ALK: variants seen among roughly 807,000 people sequenced by gnomAD.
ALK encodes the protein ALK receptor tyrosine kinase.
A neutral mutation model predicts 163.1 loss-of-function variants in ALK; 74 were observed. The ratio of observed to expected loss-of-function variants is 0.45; its 90% CI spans 0.38 to 0.55. ALK has a LOEUF of 0.55. ALK is among the 20% of genes least tolerant of loss of function. The pLI is 0.00. For synonymous variants in ALK, 960 were observed against 843.2 expected (o/e 1.14, Z -2.40); for missense variants, 2,063 against 2,105.3 (o/e 0.98, Z 0.39).
intron 1 of ALK, among the ~76,000 whole-genome samples, chr2:29,744,287 G>A (rs973527023): frequency 1.3e-5 from 2 of 152,164 alleles, no homozygotes; most frequent in Admixed American, 6.5e-5. Flanking sequence ...GCTACTCTGG[G>A]TCTACAGTGG....
intron 24 of ALK, among the ~76,000 whole-genome samples, chr2:29,212,132 A>C (rs1012446285): frequency 2.6e-5 from 4 of 152,214 alleles, no homozygotes; most frequent in Admixed American, 2.6e-4. Context: ...ACAAGTAGAA[A>C]AGATCCCAGT....
chr2:29,477,771 G>A (rs1319293008), intron 4 of ALK, among the ~76,000 whole-genome samples: 2 of 152,186 alleles, frequency 1.3e-5, no homozygotes, highest in East Asian at 3.9e-4. Context: ...GAAATGTGGG[G>A]ACTTCAGATA....
chr2:29,874,910 G>C (rs1248810251), intron 1 of ALK, among the ~76,000 whole-genome samples: 1 of 152,132 alleles, frequency 6.6e-6, no homozygotes, highest in Non-Finnish European at 1.5e-5. Context: ...CTTCTGGCCT[G>C]ACTGCACATT....
intron 8 of ALK, among the ~76,000 whole-genome samples, chr2:29,299,609 A>G (rs1229981568): frequency 6.6e-6 from 1 of 152,216 alleles, no homozygotes; most frequent in African/African-American, 2.4e-5. Context: ...ATGTAACAAA[A>G]TATTAAAAAG....
intron 4 of ALK, among the ~76,000 whole-genome samples, chr2:29,483,878 C>T (rs188297311): frequency 8.5e-5 from 13 of 152,142 alleles, no homozygotes; most frequent in African/African-American, 2.2e-4. Flanking sequence ...AAGACATACC[C>T]GAGACTGGGT....
intron 16 of ALK, among the ~76,000 whole-genome samples, 178 bp downstream of exon 16, chr2:29,228,706 C>CTT (rs1294083827): frequency 5.4e-5 from 8 of 148,760 alleles, no homozygotes; most frequent in East Asian, 2.0e-4. Context: ...AGGGTGCTGG[C>CTT]TCGAAAGCCA....
chr2:29,743,150 G>A lies in ALK; in HGVS notation c.668-25453C>T, dbSNP rs74928031. 3.5e-3 allele frequency among the ~76,000 whole-genome samples: 537 copies of A among 152,264 alleles called. 3 individuals are homozygous for A. Among genetic ancestry groups the A allele is most frequent in the African/African-American group, 0.012 (505 of 41,552 alleles). On this transcript the variant is annotated intron_variant, in intron 1 of 28. Transcript: ENST00000389048. ...GATTCCCCTATCCATGGGTAGGAGC[G>A]GGGATGGAAAAAGCAACAATCCATT...
At chr2:29,857,092 G>T (rs145893750) in intron 1 of ALK, among the ~76,000 whole-genome samples, 611 of 152,268 alleles carry the variant, frequency 4.0e-3, no homozygotes, top group Non-Finnish European at 6.0e-3. Flanking sequence ...GTTAGAACTG[G>T]GCTCGAATTT....
chr2:29,379,274 A>G (rs1558298492), intron 5 of ALK, among the ~76,000 whole-genome samples: 1 of 152,042 alleles, frequency 6.6e-6, no homozygotes, highest in Non-Finnish European at 1.5e-5. Context: ...TCAGTGAAAA[A>G]TCTCTTCCAA....
chr2:29,759,261 G>A (rs939636222), intron 1 of ALK, among the ~76,000 whole-genome samples: 9 of 152,032 alleles, frequency 5.9e-5, no homozygotes, highest in Admixed American at 2.0e-4. Context: ...CTGCCTTTCC[G>A]TTTAGTCAAC....
chr2:29,677,053 A>G (rs1020742322), intron 3 of ALK, among the ~76,000 whole-genome samples: 11 of 151,878 alleles, frequency 7.2e-5, no homozygotes, highest in Non-Finnish European at 4.4e-5. Context: ...GGGATTTTCT[A>G]CCTAAAATTC....
intron 4 of ALK, among the ~76,000 whole-genome samples, chr2:29,438,685 T>G (rs1220457950): frequency 6.6e-6 from 1 of 152,166 alleles, no homozygotes; most frequent in Non-Finnish European, 1.5e-5. Context: ...CCTTCAGGAA[T>G]ATGTAGGTGG....
intron 1 of ALK, among the ~76,000 whole-genome samples, chr2:29,751,919 A>C (rs955407685): frequency 6.6e-6 from 1 of 152,234 alleles, no homozygotes; most frequent in Non-Finnish European, 1.5e-5. Context: ...AACAATGATG[A>C]TAATTGTAGC....
At chr2:29,635,376 T>C (rs1006196532) in intron 3 of ALK, among the ~76,000 whole-genome samples, 3 of 152,176 alleles carry the variant, frequency 2.0e-5, no homozygotes, top group Non-Finnish European at 2.9e-5. Context: ...CTACATTCAA[T>C]CACAAGTGTC....
intron 3 of ALK, among the ~76,000 whole-genome samples, chr2:29,612,132 C>T (rs996339671): frequency 2.6e-5 from 4 of 152,178 alleles, no homozygotes; most frequent in East Asian, 1.9e-4. Context: ...TTCCTCCCTT[C>T]CCCCTCCCAC....
intron 5 of ALK, among the ~76,000 whole-genome samples, chr2:29,342,190 C>T (rs548617664): frequency 2.3e-4 from 35 of 152,142 alleles, no homozygotes; most frequent in Non-Finnish European, 4.1e-4. Flanking sequence ...AATTTGAACC[C>T]TTGTGTGTTG....
At chr2:29,449,587 T>C (rs1348585730) in intron 4 of ALK, among the ~76,000 whole-genome samples, 1 of 152,176 alleles carries the variant, frequency 6.6e-6, no homozygotes, top group Non-Finnish European at 1.5e-5. Context: ...CACCTGGGCA[T>C]GCAACTTGGA....
chr2:29,782,004 A>G (rs1358076597), intron 1 of ALK, among the ~76,000 whole-genome samples: 1 of 152,216 alleles, frequency 6.6e-6, no homozygotes, highest in Non-Finnish European at 1.5e-5. Flanking sequence ...GTATAGCAGG[A>G]TTGACAGTTG....
chr2:29,678,441 T>C (rs1677958824), intron 3 of ALK, among the ~76,000 whole-genome samples: 1 of 151,478 alleles, frequency 6.6e-6, no homozygotes, highest in African/African-American at 2.4e-5. Flanking sequence ...AAAGCTATAC[T>C]TTTTTTTCTC....
Sources: gnomAD v4.1 joint callset for allele counts (sites outside exome capture counted in the v4.1 genomes callset) on GRCh38, gnomAD v4.1.1 for gene constraint, MANE v1.5 for transcripts, NCBI Gene and HGNC (gene_info 2026-07-23, HGNC 2026-07-21) for gene names.